The following MSRA variants were observed in gnomAD, a reference collection of about 807,000 sequenced individuals.
MSRA encodes mitochondrial peptide methionine sulfoxide reductase.
MSRA carries 54 observed loss-of-function variants against 31.3 expected under a neutral mutation model. The ratio of observed to expected loss-of-function variants is 1.73; its 90% CI spans 1.39 to 2.17. The LOEUF is 2.17. Ranked by LOEUF, MSRA falls within the 30% of genes most tolerant of loss-of-function variation. The pLI is 0.00. For missense variants in MSRA, 507 were observed against 300.9 expected, an observed-to-expected ratio of 1.69 and a Z score of -5.07; for synonymous variants, 169 against 116.5, an observed-to-expected ratio of 1.45 and a Z score of -2.90.
intron 3 of MSRA, among the ~76,000 whole-genome samples, chr8:10,256,907 G>A (rs1049692399): frequency 6.6e-6 from 1 of 152,194 alleles, no homozygotes. Flanking sequence ...GGCTACCAAG[G>A]TGGGTCCAGA....
Position 10,221,445 on chromosome 8 carries a change from CAT to C in MSRA, c.211+13553_211+13554del, listed in dbSNP as rs972517803. On this transcript the variant is annotated intron_variant, in intron 2 of 5. Transcript: ENST00000317173. The stretch of plus-strand genomic sequence containing the variant: ...ATATATGTATATATGTGTATATATA[CAT>C]ATATATATTTGTTCTTTACACTTAA... Among the ~76,000 whole-genome samples the C allele has an allele frequency of 7.9e-5, 8 of 101,176 alleles. No homozygotes were observed. The South Asian group carries it at 2.5e-3, about 32-fold the overall frequency. 66.4% of individuals were successfully genotyped at this position (101,176 alleles called of 152,430 possible). A position where few individuals can be genotyped will look rare whatever the true frequency, so the allele number is the denominator to read the frequency against.
intron 1 of MSRA, among the ~76,000 whole-genome samples, chr8:10,138,977 G>C (rs1477858643): frequency 6.6e-6 from 1 of 152,236 alleles, no homozygotes; most frequent in African/African-American, 2.4e-5. Context: ...GTCAGTCTCA[G>C]TCCCTGAGGA....
At chr8:10,059,704 A>G (rs1218281931) in intron 1 of MSRA, among the ~76,000 whole-genome samples, 1 of 152,220 alleles carries the variant, frequency 6.6e-6, no homozygotes, top group Non-Finnish European at 1.5e-5. Flanking sequence ...GCAAAGCCAA[A>G]AGACAAACGA....
rs368091074 is a variant in MSRA at position 10,334,518 on chromosome 8, G to C, written c.543+14529G>C. Among the ~76,000 whole-genome samples the C allele has an allele frequency of 5.9e-5, 9 of 152,112 alleles. No homozygotes were observed. The East Asian group carries it at 1.2e-3, about 20-fold the overall frequency. ...TTGCCGTTTCCTACAGGGGCAGTGCGTTTGCGTTTCAAATTCCCGTTGATT... is the reference window on the plus strand; with the variant it reads ...TTGCCGTTTCCTACAGGGGCAGTGCCTTTGCGTTTCAAATTCCCGTTGATT... On this transcript the variant is annotated intron_variant, in intron 5 of 5. Coordinates refer to ENST00000317173, the MANE Select transcript of MSRA (RefSeq NM_012331.5).
intron 5 of MSRA, among the ~76,000 whole-genome samples, chr8:10,367,848 G>C (rs975287463): frequency 6.6e-6 from 1 of 152,216 alleles, no homozygotes; most frequent in East Asian, 1.9e-4. Flanking sequence ...TGAGGAAGGC[G>C]TTCTAGTTTG....
chr8:10,199,278 G>A (rs552032879), intron 1 of MSRA, among the ~76,000 whole-genome samples: 42 of 152,210 alleles, frequency 2.8e-4, no homozygotes, highest in African/African-American at 9.9e-4. Flanking sequence ...GGCATGGTAG[G>A]CTCACCCTAG....
chr8:10,332,341 T>TA (rs1554529486), intron 5 of MSRA, among the ~76,000 whole-genome samples: 1 of 152,212 alleles, frequency 6.6e-6, no homozygotes, highest in Non-Finnish European at 1.5e-5. Flanking sequence ...TCTTCGTCTT[T>TA]AAAAAATTTT....
chr8:10,215,571 C>T (rs367957737), intron 2 of MSRA, among the ~76,000 whole-genome samples: 1 of 152,084 alleles, frequency 6.6e-6, no homozygotes, highest in Non-Finnish European at 1.5e-5. Flanking sequence ...AGACGAGTCC[C>T]GTAACTCAGG....
intron 3 of MSRA, among the ~76,000 whole-genome samples, chr8:10,292,833 T>C (rs906364864): frequency 1.8e-4 from 27 of 151,396 alleles, no homozygotes; most frequent in African/African-American, 6.6e-4. Flanking sequence ...CCCTACAGGC[T>C]GGGGACAGCA....
intron 5 of MSRA, among the ~76,000 whole-genome samples, chr8:10,352,766 A>C (rs1324682624): frequency 3.3e-5 from 5 of 152,140 alleles, no homozygotes; most frequent in African/African-American, 1.2e-4. Context: ...CCGTCTGTGA[A>C]TCAAACGTGC....
At chr8:10,366,108 C>T (rs144725239) in intron 5 of MSRA, among the ~76,000 whole-genome samples, 303 of 152,204 alleles carry the variant, frequency 2.0e-3, no homozygotes, top group African/African-American at 7.0e-3. Context: ...TGTGGCCTGT[C>T]GAAAGGGAAG....
chr8:10,339,940 C>G (rs986000508), intron 5 of MSRA, among the ~76,000 whole-genome samples: 1 of 152,202 alleles, frequency 6.6e-6, no homozygotes, highest in Non-Finnish European at 1.5e-5. Context: ...CTACCCCACC[C>G]AGGCCTCTGC....
chr8:10,390,985 A>G (rs1028683268), intron 5 of MSRA, among the ~76,000 whole-genome samples: 8 of 151,666 alleles, frequency 5.3e-5, no homozygotes, highest in African/African-American at 1.9e-4. Context: ...AAAAGAAAAA[A>G]AAAAAAAACA....
At chr8:10,423,872 A>G (rs188499770) in intron 5 of MSRA, among the ~76,000 whole-genome samples, 2 of 152,260 alleles carry the variant, frequency 1.3e-5, no homozygotes, top group African/African-American at 4.8e-5. Flanking sequence ...AGCAGAGAGA[A>G]TCTCCAGGAG....
intron 5 of MSRA, among the ~76,000 whole-genome samples, chr8:10,364,292 T>C (rs1035387182): frequency 6.6e-6 from 1 of 152,236 alleles, no homozygotes; most frequent in Non-Finnish European, 1.5e-5. Flanking sequence ...CCAGATAGAA[T>C]TGTTGCTGTT....
intron 1 of MSRA, among the ~76,000 whole-genome samples, chr8:10,137,555 T>C (rs1802375101): frequency 6.6e-6 from 1 of 152,184 alleles, no homozygotes; most frequent in Non-Finnish European, 1.5e-5. Context: ...ACTAACCCAT[T>C]AGAAAGAACT....
At position 10,313,467 on chromosome 8, in the gene MSRA, TAAAAAAAA is replaced by T. The variant is rs534318833; in HGVS notation, c.437-6410_437-6403del. On this transcript the variant is annotated intron_variant, in intron 4 of 5. Transcript: ENST00000317173. The stretch of plus-strand genomic sequence containing the variant: ...TGAAGTGGAGTGCTACCAAAAAATC[TAAAAAAAA>T]AAAAACAAAAAACAAACAAACAAAA... Among the ~76,000 whole-genome samples the T allele has an allele frequency of 3.1e-5, 4 of 129,962 alleles. No homozygotes were observed. The South Asian group carries it at 7.4e-4, about 24-fold the overall frequency. 85.3% of individuals were successfully genotyped at this position (129,962 alleles called of 152,430 possible).
At chr8:10,205,879 C>T (rs1400512575) in intron 1 of MSRA, among the ~76,000 whole-genome samples, 1 of 152,166 alleles carries the variant, frequency 6.6e-6, no homozygotes, top group Non-Finnish European at 1.5e-5. Context: ...CTGTATCTCT[C>T]TCAAGGCTGC....
chr8:10,374,443 A>T (rs945533032), intron 5 of MSRA, among the ~76,000 whole-genome samples: 1 of 152,206 alleles, frequency 6.6e-6, no homozygotes, highest in Non-Finnish European at 1.5e-5. Flanking sequence ...GGTACCGTGC[A>T]TATGAGTCCC....
Sources: gnomAD v4.1 joint callset for allele counts (sites outside exome capture counted in the v4.1 genomes callset) on GRCh38, gnomAD v4.1.1 for gene constraint, MANE v1.5 for transcripts, NCBI Gene and HGNC (gene_info 2026-07-23, HGNC 2026-07-21) for gene names.